The following POU2F3 variants were observed in gnomAD, a reference collection of about 807,000 sequenced individuals.
POU2F3 encodes the protein POU domain, class 2, transcription factor 3.
A neutral mutation model predicts 59.2 loss-of-function variants in POU2F3; 23 were observed. That is an observed-to-expected ratio of 0.39 (90% CI 0.28 to 0.55). The LOEUF is 0.55. POU2F3 is among the 20% of genes least tolerant of loss of function. The probability of loss-of-function intolerance (pLI) is 0.66; values close to 1 mark genes in which losing one functional copy is unlikely to be tolerated. For missense variants in POU2F3, 473 were observed against 544.5 expected, an observed-to-expected ratio of 0.87 and a Z score of 1.31; for synonymous variants, 190 against 214.6, an observed-to-expected ratio of 0.89 and a Z score of 1.00.
intron 3 of POU2F3, among the ~76,000 whole-genome samples, chr11:120,280,615 A>C (rs771941701): frequency 7.2e-6 from 1 of 138,470 alleles, no homozygotes; most frequent in Non-Finnish European, 1.6e-5. Context: ...GAGGACAGAC[A>C]GAGAGAGAGA....
intron 2 of POU2F3, among the ~76,000 whole-genome samples, chr11:120,263,567 C>G (rs531656998): frequency 1.7e-3 from 262 of 152,344 alleles, no homozygotes; most frequent in South Asian, 3.7e-3. Flanking sequence ...GGTCTAAAAC[C>G]ATACTCAATT....
At chr11:120,280,141 G>T (rs1044676374) in intron 3 of POU2F3, among the ~76,000 whole-genome samples, 1 of 152,146 alleles carries the variant, frequency 6.6e-6, no homozygotes, top group Non-Finnish European at 1.5e-5. Flanking sequence ...TTTCAAGCAG[G>T]CGTCTCTTTG....
rs549949284 is a variant in POU2F3 at position 120,305,357 on chromosome 11, C to T, written c.627+145C>T. 45 of 1,010,484 alleles carry T rather than the reference C, an allele frequency of 4.5e-5. No homozygotes were observed. The East Asian group carries it at 1.1e-3, about 25-fold the overall frequency. 62.6% of individuals were successfully genotyped at this position (1,010,484 alleles called of 1,614,324 possible). On this transcript the variant is annotated intron_variant, in intron 7 of 12. Transcript: ENST00000543440. The stretch of plus-strand genomic sequence containing the variant: ...CCCTGAGTTCTCTGAGAATAGGGCA[C>T]AGTTGCCATTGGTAGGGAAACTGAG...
chr11:120,275,827 T>TTGCCCTGGTG (rs1265271686), intron 3 of POU2F3, among the ~76,000 whole-genome samples: 5 of 152,118 alleles, frequency 3.3e-5, no homozygotes, highest in Non-Finnish European at 5.9e-5. Context: ...TCCTGAGGAG[T>TTGCCCTGGTG]TGCCCTGGTG....
rs1940745325 is a variant in POU2F3 at position 120,285,483 on chromosome 11, C to T, written c.133-12782C>T. 6.6e-6 allele frequency among the ~76,000 whole-genome samples: 1 copy of T among 152,190 alleles called. No individual in the cohort carries two copies. The highest frequency in any genetic ancestry group is 2.4e-5 in the African/African-American group (1 of 41,440). On this transcript the variant is annotated intron_variant, in intron 3 of 12. Coordinates refer to ENST00000543440, the MANE Select transcript of POU2F3 (RefSeq NM_014352.4). The surrounding 1 kb of genome is among the most constrained non-coding windows in gnomAD (Gnocchi z 4.3). ...AATCATCCCTTTTCTGTGTAAATAT[C>T]CTGGATCTGTAAACGATTCCATATG...
At chr11:120,253,600 G>A (rs575910619) in intron 2 of POU2F3, 2 of 152,200 alleles carry the variant, frequency 1.3e-5, no homozygotes, top group African/African-American at 4.8e-5. Flanking sequence ...TCCGTAGCTG[G>A]TCCTGGACCT....
chr11:120,296,767 T>C (rs1168420740), intron 3 of POU2F3, among the ~76,000 whole-genome samples: 1 of 152,230 alleles, frequency 6.6e-6, no homozygotes, highest in Non-Finnish European at 1.5e-5. Flanking sequence ...ATGGTGTATA[T>C]ATACCGCATT....
At chr11:120,313,087 G>T (rs1168054759) in intron 10 of POU2F3, among the ~76,000 whole-genome samples, 4 of 152,100 alleles carry the variant, frequency 2.6e-5, no homozygotes, top group Non-Finnish European at 2.9e-5. Context: ...GGATTATGTT[G>T]GGAATCATAG....
chr11:120,253,801 T>A (rs1290177618), intron 2 of POU2F3: 2 of 152,288 alleles, frequency 1.3e-5, no homozygotes, highest in African/African-American at 4.8e-5. Context: ...GAAAGTCTCT[T>A]TCCTGTGGCC....
rs1941533448 is a variant in POU2F3, at chr11:120,307,583, A to T, written c.874A>T (p.Ile292Phe). 6.2e-7 allele frequency: 1 copy of T among 1,614,016 alleles called. No individual in the cohort carries two copies. The highest frequency in any genetic ancestry group is 8.5e-7 in the Non-Finnish European group (1 of 1,180,022). ...RKKRTSIETN[I>F]RLTLEKRFQD... ...GAAACGGACCAGCATCGAGACCAAC[A>T]TCCGCCTGACTCTGGAGAAGAGGTT... The change falls in exon 9 of 13, where the codon ATC becomes TTC. Residue 292 changes from isoleucine (I) to phenylalanine (F), a missense_variant. Physicochemically the swap from Ile to Phe is conservative, Grantham distance 21. Transcript: ENST00000543440.
chr11:120,298,431 C>T, intron 4 of POU2F3, 41 bp downstream of exon 4: 1 of 1,607,120 alleles, frequency 6.2e-7, no homozygotes. Context: ...GTGTTTAACC[C>T]AATCCCTCTG....
upstream of POU2F3, chr11:120,236,700 A>G (rs1442019141): frequency 3.7e-5 from 56 of 1,501,998 alleles, no homozygotes; most frequent in East Asian, 7.3e-5. Flanking sequence ...CTGCTAAAGG[A>G]GGAAGGGGTA....
chr11:120,300,926 A>T (rs1941331122), intron 5 of POU2F3: 1 of 419,322 alleles, frequency 2.4e-6, no homozygotes, highest in African/African-American at 2.0e-5. Context: ...GGCACCTCAG[A>T]ATATTATGGT....
chr11:120,309,417 G>A lies in POU2F3; in HGVS notation c.907-8G>A, dbSNP rs1308488633. The A allele has an allele frequency of 1.2e-6, 2 of 1,608,906 alleles. No homozygotes were observed. The highest frequency in any genetic ancestry group is 2.2e-5 in the East Asian group (1 of 44,830). ...CTTGGCCATACTCTGTCCTTTCGGT[G>A]CCTATAGAACCCAAAACCCAGCTCG... On this transcript the variant is annotated splice_polypyrimidine_tract_variant and splice_region_variant and intron_variant, in intron 9 of 12. Coordinates refer to ENST00000543440, the MANE Select transcript of POU2F3 (RefSeq NM_014352.4).
chr11:120,256,930 G>A (rs915384176), intron 2 of POU2F3: 4 of 152,196 alleles, frequency 2.6e-5, no homozygotes, highest in African/African-American at 9.7e-5. Flanking sequence ...TCTCTACTCA[G>A]TGATTTATTA....
intron 3 of POU2F3, 22 bp from the exon 4 acceptor site, chr11:120,298,243 C>T: frequency 6.2e-7 from 1 of 1,604,638 alleles, no homozygotes; most frequent in Non-Finnish European, 8.5e-7. Context: ...CACTGACGCT[C>T]TCCTCTTGCT....
At chr11:120,241,357 C>T (rs1195588356) in intron 1 of POU2F3, among the ~76,000 whole-genome samples, 1 of 152,180 alleles carries the variant, frequency 6.6e-6, no homozygotes, top group African/African-American at 2.4e-5. Context: ...CCAGACCCAC[C>T]CCAAGAAGCA....
intron 2 of POU2F3, chr11:120,256,189 C>G (rs1479494910): frequency 2.0e-5 from 3 of 152,142 alleles, no homozygotes; most frequent in Admixed American, 6.5e-5. Context: ...TGCTGCACCC[C>G]TAAGTGTCTC....
intron 3 of POU2F3, among the ~76,000 whole-genome samples, chr11:120,271,716 C>A (rs981159300): frequency 6.6e-6 from 1 of 152,138 alleles, no homozygotes; most frequent in Admixed American, 6.5e-5. Flanking sequence ...AGGCCCCTGA[C>A]CCTTGGAACA....
Sources: allele counts gnomAD v4.1 joint callset (sites outside exome capture counted in the v4.1 genomes callset), GRCh38; gene constraint gnomAD v4.1.1; non-coding constraint Gnocchi (gnomAD v3.1); transcripts MANE v1.5; gene names NCBI Gene and HGNC (gene_info 2026-07-23, HGNC 2026-07-21).